DPF3: variants seen among roughly 807,000 people sequenced by gnomAD.
The protein encoded by DPF3 is double PHD fingers 3.
A neutral mutation model predicts 56.8 loss-of-function variants in DPF3; 18 were observed. The observed-to-expected ratio is 0.32, with a 90% CI of 0.22 to 0.47. DPF3 has a LOEUF of 0.47. DPF3 is among the 20% of genes least tolerant of loss of function. The pLI, the probability that DPF3 is intolerant of heterozygous loss-of-function variation, is 1.00. For synonymous variants in DPF3, 188 were observed against 180.2 expected, an observed-to-expected ratio of 1.04 and a Z score of -0.35; for missense variants, 403 against 488.8, an observed-to-expected ratio of 0.82 and a Z score of 1.65.
chr14:72,798,608 CG>C (rs1892734268), intron 1 of DPF3, among the ~76,000 whole-genome samples: 1 of 152,216 alleles, frequency 6.6e-6, no homozygotes, highest in African/African-American at 2.4e-5. Context: ...ATGGAGAACT[CG>C]GGGTCCCTAG....
chr14:72,615,347 G>T lies in DPF3; in HGVS notation c.*3950C>A, dbSNP rs1884029078. Among the ~76,000 whole-genome samples, 1 of 152,162 alleles carries T rather than the reference G, an allele frequency of 6.6e-6. No individual in the cohort carries two copies. The highest frequency in any genetic ancestry group is 2.4e-5 in the African/African-American group (1 of 41,434). ...GCAACCTTTCTTCAGCGGCATAAAA[G>T]AGCACAGGTCTCCTCCACTTGCCCC... On this transcript the variant is annotated 3_prime_UTR_variant, in exon 11 of 11. Coordinates refer to ENST00000556509, the MANE Select transcript of DPF3 (RefSeq NM_001280542.3).
chr14:72,712,349 C>T (rs1888691775), intron 6 of DPF3, among the ~76,000 whole-genome samples: 1 of 152,098 alleles, frequency 6.6e-6, no homozygotes, highest in African/African-American at 2.4e-5. Flanking sequence ...TGCCCACAAA[C>T]AGCACTTCAT....
chr14:72,753,893 T>C (rs1038269748), intron 2 of DPF3, among the ~76,000 whole-genome samples: 4 of 151,916 alleles, frequency 2.6e-5, no homozygotes, highest in Non-Finnish European at 5.9e-5. Flanking sequence ...CAGCTCACTG[T>C]AGGCAAATGG....
intron 7 of DPF3, among the ~76,000 whole-genome samples, chr14:72,689,886 C>T (rs1887599853): frequency 6.6e-6 from 1 of 152,160 alleles, no homozygotes; most frequent in African/African-American, 2.4e-5. Flanking sequence ...CTGGGTTAAT[C>T]ACAGAGTTTT....
intron 8 of DPF3, among the ~76,000 whole-genome samples, chr14:72,650,310 G>A (rs939877324): frequency 3.9e-5 from 6 of 152,208 alleles, no homozygotes; most frequent in African/African-American, 1.4e-4. Context: ...AGTTAAAGGC[G>A]AGGATCTAGA....
chr14:72,875,134 C>A (rs1324340755), intron 1 of DPF3, among the ~76,000 whole-genome samples: 6 of 152,206 alleles, frequency 3.9e-5, no homozygotes, highest in Non-Finnish European at 7.3e-5. Flanking sequence ...AAAGACTGGC[C>A]TCCATGATTC....
chr14:72,771,021 C>G (rs111469922), intron 2 of DPF3, among the ~76,000 whole-genome samples: 4,450 of 152,018 alleles, frequency 0.029, 221 homozygotes, highest in African/African-American at 0.1. Flanking sequence ...ACTAAAAATA[C>G]AAAAACTAGC....
intron 1 of DPF3, among the ~76,000 whole-genome samples, chr14:72,883,537 G>T (rs1886397537): frequency 6.6e-6 from 1 of 152,122 alleles, no homozygotes; most frequent in Non-Finnish European, 1.5e-5. Context: ...TAGCTTTGCA[G>T]CAAGACTGAA....
At chr14:72,834,271 T>G (rs959819377) in intron 1 of DPF3, among the ~76,000 whole-genome samples, 6 of 151,658 alleles carry the variant, frequency 4.0e-5, no homozygotes, top group African/African-American at 1.5e-4. Context: ...CCAAGGCGGG[T>G]GGATTACTTG....
At chr14:72,662,208 C>A in intron 8 of DPF3, 4 of 985,328 alleles carry the variant, frequency 4.1e-6, no homozygotes, top group Non-Finnish European at 4.8e-6. Context: ...AATAAAAATA[C>A]CTAAAGCACA....
intron 1 of DPF3, among the ~76,000 whole-genome samples, chr14:72,855,302 G>A (rs940331501): frequency 1.3e-5 from 2 of 152,234 alleles, no homozygotes; most frequent in African/African-American, 4.8e-5. Context: ...AGGAATGAGG[G>A]AATTAGGAAT....
At chr14:72,824,551 C>CT (rs375498304) in intron 1 of DPF3, among the ~76,000 whole-genome samples, 30,809 of 143,168 alleles carry the variant, frequency 0.22, 3,546 homozygotes, top group East Asian at 0.42. Flanking sequence ...TTTTCTTTTT[C>CT]TTTTTTTTTT....
rs1255443604 is a variant in DPF3 at position 72,613,284 on chromosome 14, C to T, written c.*6013G>A. 1.3e-5 allele frequency among the ~76,000 whole-genome samples: 2 copies of T among 152,090 alleles called. No individual in the cohort carries two copies. Among genetic ancestry groups the T allele is most frequent in the African/African-American group, 4.8e-5 (2 of 41,408 alleles). On this transcript the variant is annotated 3_prime_UTR_variant, in exon 11 of 11. Transcript: ENST00000556509. Reference sequence around the variant, plus strand: ...TGCCCTCCCGTCCCCACCATGGCCGCGTTTATTTGCTAGACAGGGTTGGTG... The same window carrying T: ...TGCCCTCCCGTCCCCACCATGGCCGTGTTTATTTGCTAGACAGGGTTGGTG...
intron 4 of DPF3, chr14:72,723,985 CAAG>C (rs2139842839): frequency 2.8e-6 from 1 of 351,294 alleles, no homozygotes; most frequent in Non-Finnish European, 5.0e-6. Context: ...TCTTTTTGCC[CAAG>C]AAGAGTTTTC....
intron 8 of DPF3, 36 bp downstream of exon 8, chr14:72,674,204 C>T (rs573579591): frequency 6.3e-7 from 1 of 1,599,210 alleles, no homozygotes; most frequent in East Asian, 2.2e-5. Context: ...CATTCCTGGT[C>T]TACGGGCACC....
chr14:72,796,617 T>C (rs1350967151), intron 1 of DPF3, among the ~76,000 whole-genome samples: 1 of 152,236 alleles, frequency 6.6e-6, no homozygotes, highest in Non-Finnish European at 1.5e-5. Context: ...GCATGTACTA[T>C]GTCTCAGACA....
chr14:72,789,864 C>A (rs1892357945), intron 1 of DPF3, among the ~76,000 whole-genome samples: 1 of 152,196 alleles, frequency 6.6e-6, no homozygotes, highest in Non-Finnish European at 1.5e-5. Context: ...TAGGACTCCA[C>A]TCACTGCTCC....
chr14:72,647,842 G>A (rs974594095), intron 8 of DPF3, among the ~76,000 whole-genome samples: 4 of 152,134 alleles, frequency 2.6e-5, no homozygotes, highest in Non-Finnish European at 4.4e-5. Flanking sequence ...AGCAAGATTG[G>A]TCCTAATTTA....
chr14:72,677,659 G>A (rs1466322580), intron 7 of DPF3, among the ~76,000 whole-genome samples: 1 of 152,156 alleles, frequency 6.6e-6, no homozygotes, highest in Non-Finnish European at 1.5e-5. Context: ...ATGTTAGTGG[G>A]TGGCACAGTG....
Sources: allele counts gnomAD v4.1 joint callset (sites outside exome capture counted in the v4.1 genomes callset), GRCh38; gene constraint gnomAD v4.1.1; transcripts MANE v1.5; gene names NCBI Gene and HGNC (gene_info 2026-07-23, HGNC 2026-07-21).